DPP10: variants seen among roughly 807,000 people sequenced by gnomAD.
The protein encoded by DPP10 is inactive dipeptidyl peptidase 10.
A neutral mutation model predicts 120.9 loss-of-function variants in DPP10; 33 were observed. That is an observed-to-expected ratio of 0.27 (90% confidence interval 0.21 to 0.37). DPP10 has a LOEUF of 0.37. Among genes scored for constraint, DPP10 ranks in the 10% least tolerant of loss-of-function variants. The pLI, the probability that DPP10 is intolerant of heterozygous loss-of-function variation, is 1.00. For missense variants in DPP10, 816 were observed against 942.8 expected (o/e 0.87, Z 1.76); for synonymous variants, 337 against 326.1 (o/e 1.03, Z -0.36).
At chr2:115,550,480 A>G (rs186774286) in intron 5 of DPP10, among the ~76,000 whole-genome samples, 1 of 152,272 alleles carries the variant, frequency 6.6e-6, no homozygotes, top group Non-Finnish European at 1.5e-5. Context: ...TGCATAGCAC[A>G]TTATTTAAAC....
chr2:115,840,919 A>G (rs946174556), intron 25 of DPP10, 96 bp downstream of exon 25: 18 of 969,146 alleles, frequency 1.9e-5, no homozygotes, highest in Non-Finnish European at 2.6e-5. Context: ...TCTCCCTACT[A>G]TTATTTTTTA....
chr2:115,708,303 T>C (rs1575575268), intron 7 of DPP10, among the ~76,000 whole-genome samples: 1 of 152,010 alleles, frequency 6.6e-6, no homozygotes, highest in Admixed American at 6.6e-5. Flanking sequence ...AAAAAGCAAC[T>C]GTGACTTGGA....
chr2:115,233,838 TGCA>T, intron 1 of DPP10: 1 of 464,138 alleles, frequency 2.2e-6, no homozygotes, highest in Non-Finnish European at 4.3e-6. Flanking sequence ...AAATGTGGGA[TGCA>T]GGCTTTTCCC....
At position 115,777,831 on chromosome 2, in the gene DPP10, A is replaced by C. The variant is rs1328935865; in HGVS notation, c.1358A>C (p.Tyr453Ser). The C allele has an allele frequency of 1.2e-6, 2 of 1,613,278 alleles. No individual in the cohort carries two copies. The highest frequency in any genetic ancestry group is 1.7e-6 in the Non-Finnish European group (2 of 1,179,416). The change falls in exon 15 of 26, where the codon TAC becomes TCC. Residue 453 changes from tyrosine to serine, a missense_variant. Physicochemically the swap from Tyr to Ser is moderately radical, Grantham distance 144 (BLOSUM62 -2). This residue lies in a region of DPP10 where 592 missense variants were observed against 649.0 expected (regional missense o/e 0.91). Coordinates refer to ENST00000410059, the MANE Select transcript of DPP10 (RefSeq NM_020868.6). ...TCTTCTCCCAGAGGAAGGCAGCTGT[A>C]CAGGTAAGCAGTGTGCAAGGATCTC... ...TESSPRGRQLYSASTEGLLNR... is the reference protein window; with the variant it reads ...TESSPRGRQLSSASTEGLLNR...
chr2:114,788,412 T>C (rs1258636331), intron 1 of DPP10, among the ~76,000 whole-genome samples: 2 of 131,820 alleles, frequency 1.5e-5, no homozygotes, highest in South Asian at 2.6e-4. Context: ...GAAAAGAACA[T>C]GTACATTTTT....
intron 1 of DPP10, among the ~76,000 whole-genome samples, chr2:114,931,698 A>G (rs1696081348): frequency 1.3e-5 from 2 of 152,212 alleles, no homozygotes; most frequent in African/African-American, 4.8e-5. Flanking sequence ...GTATAGACCA[A>G]CATTAGAAAT....
chr2:115,637,864 C>G (rs2086474752), intron 5 of DPP10, among the ~76,000 whole-genome samples: 1 of 152,120 alleles, frequency 6.6e-6, no homozygotes, highest in African/African-American at 2.4e-5. Context: ...CAGTCTGTGA[C>G]CTCTAGTACC....
At chr2:115,623,947 G>A (rs781360201) in intron 5 of DPP10, among the ~76,000 whole-genome samples, 5 of 148,928 alleles carry the variant, frequency 3.4e-5, no homozygotes, top group Admixed American at 6.6e-5. Context: ...GAAACAAAAC[G>A]AGATCATTTA....
At chr2:115,835,032 G>A (rs902003888) in intron 21 of DPP10, among the ~76,000 whole-genome samples, 4 of 151,802 alleles carry the variant, frequency 2.6e-5, no homozygotes, top group Admixed American at 2.6e-4. Context: ...CTTGCAGTGA[G>A]CCCAGGGGGC....
At chr2:115,156,899 CA>C (rs1173794455) in intron 1 of DPP10, among the ~76,000 whole-genome samples, 1 of 151,914 alleles carries the variant, frequency 6.6e-6, no homozygotes, top group Non-Finnish European at 1.5e-5. Context: ...TTGTGAAAAT[CA>C]GGAAAAAAAA....
At chr2:115,527,638 T>G (rs1033113449) in intron 5 of DPP10, among the ~76,000 whole-genome samples, 2 of 152,082 alleles carry the variant, frequency 1.3e-5, no homozygotes, top group African/African-American at 4.8e-5. Flanking sequence ...TAAAGAATTC[T>G]TAAAAATGAA....
At chr2:115,648,448 A>G (rs1472515214) in intron 5 of DPP10, among the ~76,000 whole-genome samples, 2 of 152,074 alleles carry the variant, frequency 1.3e-5, no homozygotes, top group African/African-American at 2.4e-5. Context: ...TATATGTGAT[A>G]TAATGCATAT....
chr2:114,783,743 A>G (rs1176364812), intron 1 of DPP10, among the ~76,000 whole-genome samples: 1 of 151,868 alleles, frequency 6.6e-6, no homozygotes, highest in East Asian at 1.9e-4. Flanking sequence ...CTGAGGTGGG[A>G]GGATTGCTTG....
At chr2:115,184,002 G>C (rs1172185073) in intron 1 of DPP10, among the ~76,000 whole-genome samples, 2 of 152,158 alleles carry the variant, frequency 1.3e-5, no homozygotes, top group Non-Finnish European at 2.9e-5. Flanking sequence ...TAACAGGCCA[G>C]AGTGTTTTGT....
chr2:115,384,366 C>T (rs746883775), intron 3 of DPP10, among the ~76,000 whole-genome samples: 3 of 150,572 alleles, frequency 2.0e-5, no homozygotes, highest in Non-Finnish European at 4.4e-5. Flanking sequence ...AGAGCAAGAT[C>T]CTGTCTCAGA....
At chr2:114,489,364 A>G (rs1194114037) in intron 1 of DPP10, among the ~76,000 whole-genome samples, 1 of 152,244 alleles carries the variant, frequency 6.6e-6, no homozygotes, top group Non-Finnish European at 1.5e-5. Flanking sequence ...AACAAAGGGC[A>G]GAAGCTTCCC....
chr2:115,794,216 C>A, intron 19 of DPP10, among the ~76,000 whole-genome samples: 1 of 152,114 alleles, frequency 6.6e-6, no homozygotes, highest in East Asian at 1.9e-4. Context: ...TATCTGGTAG[C>A]CAACAGAATA....
intron 1 of DPP10, among the ~76,000 whole-genome samples, chr2:114,816,474 A>G (rs2106341017): frequency 6.6e-6 from 1 of 152,274 alleles, no homozygotes; most frequent in East Asian, 1.9e-4. Flanking sequence ...CCTTTTCATA[A>G]TGGCTTTTCT....
intron 1 of DPP10, among the ~76,000 whole-genome samples, chr2:115,005,949 G>T (rs1701805893): frequency 6.6e-6 from 1 of 152,056 alleles, no homozygotes. Flanking sequence ...AGGAAAAAAT[G>T]TTAAGGGCAG....
Sources: allele counts gnomAD v4.1 joint callset (sites outside exome capture counted in the v4.1 genomes callset), GRCh38; gene constraint gnomAD v4.1.1; regional missense constraint gnomAD v4.1.1; transcripts MANE v1.5; gene names NCBI Gene and HGNC (gene_info 2026-07-23, HGNC 2026-07-21).